FBXW2: variants seen among roughly 807,000 people sequenced by gnomAD.
FBXW2 encodes F-box and WD repeat domain containing 2.
Under a neutral mutation model 46.0 loss-of-function variants are expected in FBXW2, and 12 were observed. That is an observed-to-expected ratio of 0.26 (90% CI 0.17 to 0.42). The LOEUF is 0.42. Ranked by LOEUF, FBXW2 falls within the 10% of genes least tolerant of loss-of-function variation. The pLI is 1.00. For synonymous variants in FBXW2, 203 were observed against 209.6 expected, an observed-to-expected ratio of 0.97 and a Z score of 0.27; for missense variants, 360 against 537.0, an observed-to-expected ratio of 0.67 and a Z score of 3.26.
At chr9:120,774,474 G>A (rs1016550685) in intron 5 of FBXW2, among the ~76,000 whole-genome samples, 4 of 151,936 alleles carry the variant, frequency 2.6e-5, no homozygotes, top group Middle Eastern at 3.4e-3. Context: ...ATCATGACAC[G>A]GCATTCCAGC....
chr9:120,770,543 G>C (rs1396800638), intron 7 of FBXW2, among the ~76,000 whole-genome samples: 6 of 152,084 alleles, frequency 3.9e-5, no homozygotes, highest in Non-Finnish European at 7.3e-5. Flanking sequence ...CTTTACATGG[G>C]TCCTCTCAGA....
rs553935141 is a variant in FBXW2, at chr9:120,764,988, T to C, written c.1077-141A>G. The C allele has an allele frequency of 5.7e-6, 4 of 701,362 alleles. No individual in the cohort carries two copies. In the East Asian group the frequency reaches 1.1e-4, roughly 20 times the overall value. 43.4% of individuals were successfully genotyped at this position (701,362 alleles called of 1,614,324 possible). ...TAAATGTTTTTGATAAAAAGTAAAATATAAGGAGAAAAGCTCAGCCCACTT... is the reference window on the plus strand; with the variant it reads ...TAAATGTTTTTGATAAAAAGTAAAACATAAGGAGAAAAGCTCAGCCCACTT... On this transcript the variant is annotated intron_variant, in intron 7 of 7. Coordinates refer to ENST00000608872, the MANE Select transcript of FBXW2 (RefSeq NM_012164.4).
At position 120,778,396 on chromosome 9, in the gene FBXW2, T is replaced by G; in HGVS notation, c.640A>C (p.Ser214Arg). 1 of 1,537,882 alleles carries G rather than the reference T, an allele frequency of 6.5e-7. No individual in the cohort carries two copies. Among genetic ancestry groups the G allele is most frequent in the Non-Finnish European group, 8.8e-7 (1 of 1,132,342 alleles). ...FDNTVACWEWSSGARTQHFRG... is the reference protein window; with the variant it reads ...FDNTVACWEWRSGARTQHFRG... Reference sequence around the variant, plus strand: ...AAGTGCTGGGTCCTGGCTCCGGAACTCCATTCCCAGCAAGCCACAGTGTTG... The same window carrying G: ...AAGTGCTGGGTCCTGGCTCCGGAACGCCATTCCCAGCAAGCCACAGTGTTG... Residue 214 changes from serine to arginine, a missense_variant, in exon 4 of 8, where the codon AGT becomes CGT. Transcript: ENST00000608872.
chr9:120,771,768 C>A (rs149200611), intron 6 of FBXW2, among the ~76,000 whole-genome samples: 22 of 152,178 alleles, frequency 1.4e-4, no homozygotes, highest in Admixed American at 7.2e-4. Context: ...TATAAAAGAT[C>A]CAATAATGGG....
intron 3 of FBXW2, among the ~76,000 whole-genome samples, chr9:120,780,755 A>G (rs2044594206): frequency 6.6e-6 from 1 of 152,212 alleles, no homozygotes; most frequent in South Asian, 2.1e-4. Context: ...TGTGTCAGGC[A>G]GGATTCTTGT....
chr9:120,793,361 T>A lies in FBXW2; in HGVS notation c.-137A>T, dbSNP rs945342106. On this transcript the variant is annotated 5_prime_UTR_variant, in exon 1 of 8. Transcript: ENST00000608872. ...CCCGCCTCGCATACAGACCCGGACC[T>A]GCGGCCGCTGCTCCCGGTCCGCAGC... is the stretch of plus-strand genomic sequence containing the variant. 5.0e-6 allele frequency: 2 copies of A among 401,844 alleles called. No homozygotes were observed. Among genetic ancestry groups the A allele is most frequent in the African/African-American group, 4.1e-5 (2 of 48,628 alleles). The allele number at this position is 401,844 out of a possible 1,614,324, so 24.9% of individuals were successfully genotyped here.
At position 120,763,172 on chromosome 9, in the gene FBXW2, G is replaced by A. The variant is rs2131268276; in HGVS notation, c.*1387C>T. The A allele has an allele frequency of 6.6e-6, 1 of 152,288 alleles. No homozygotes were observed. The highest frequency in any genetic ancestry group is 2.1e-4 in the South Asian group (1 of 4,828). The allele number at this position is 152,288 out of a possible 1,614,324, so 9.4% of individuals were successfully genotyped here. On this transcript the variant is annotated 3_prime_UTR_variant, in exon 8 of 8. Coordinates refer to ENST00000608872, the MANE Select transcript of FBXW2 (RefSeq NM_012164.4). Reference sequence around the variant, plus strand: ...CAATGTGAAGACCTGCCAACCCTGGGCTTGCTTCTCCTAATGACAAAACAG... The same window carrying A: ...CAATGTGAAGACCTGCCAACCCTGGACTTGCTTCTCCTAATGACAAAACAG...
intron 6 of FBXW2, 100 bp downstream of exon 6, chr9:120,772,654 T>A (rs746349511): frequency 1.4e-6 from 1 of 724,824 alleles, no homozygotes; most frequent in African/African-American, 1.9e-5. Flanking sequence ...ACACTCCCCC[T>A]CCTCTTCCTA....
rs2044541431 is a variant in FBXW2 at position 120,778,275 on chromosome 9, A to G, written c.685+76T>C. The G allele has an allele frequency of 1.6e-5, 21 of 1,273,090 alleles. No homozygotes were observed. In the South Asian group the frequency reaches 3.2e-4, roughly 19 times the overall value. 78.9% of individuals were successfully genotyped at this position (1,273,090 alleles called of 1,614,324 possible). On this transcript the variant is annotated intron_variant, in intron 4 of 7. Transcript: ENST00000608872. Reference sequence around the variant, plus strand: ...AAGCAGGTTAAATTAAAAAAAAAAAAGCATTTCACATTCTTGGCTCCTGGC... The same window carrying G: ...AAGCAGGTTAAATTAAAAAAAAAAAGGCATTTCACATTCTTGGCTCCTGGC...
chr9:120,792,098 T>C (rs1328048882), intron 2 of FBXW2, among the ~76,000 whole-genome samples: 1 of 152,164 alleles, frequency 6.6e-6, no homozygotes, highest in Non-Finnish European at 1.5e-5. Flanking sequence ...TTAACTAACA[T>C]TAATGAGGAA....
chr9:120,787,181 G>A (rs917938918), intron 3 of FBXW2, among the ~76,000 whole-genome samples: 3 of 152,156 alleles, frequency 2.0e-5, no homozygotes, highest in South Asian at 2.1e-4. Context: ...GGCGCATGCC[G>A]CCACGCCCGG....
intron 3 of FBXW2, among the ~76,000 whole-genome samples, chr9:120,786,244 C>T (rs777914992): frequency 2.0e-5 from 3 of 152,100 alleles, no homozygotes; most frequent in Non-Finnish European, 4.4e-5. Context: ...GAGGGACAGA[C>T]TTGGTGGGAG....
intron 5 of FBXW2, 22 bp from the exon 6 acceptor site, chr9:120,772,862 CGGAAA>C: frequency 6.5e-7 from 1 of 1,532,564 alleles, no homozygotes; most frequent in Non-Finnish European, 9.0e-7. Flanking sequence ...AACCATGTTA[CGGAAA>C]GATCCTTTTA....
intron 3 of FBXW2, among the ~76,000 whole-genome samples, chr9:120,786,021 A>C (rs1361931411): frequency 8.6e-6 from 1 of 116,336 alleles, no homozygotes; most frequent in Non-Finnish European, 2.0e-5. Context: ...TCCATCTCAA[A>C]AAAAAAAAAA....
intron 4 of FBXW2, among the ~76,000 whole-genome samples, chr9:120,778,089 G>C (rs1362222865): frequency 6.6e-6 from 1 of 152,020 alleles, no homozygotes; most frequent in Admixed American, 6.6e-5. Context: ...GAGAATGAGA[G>C]AGAGAGAGAG....
chr9:120,788,775 G>A (rs2044773344), intron 2 of FBXW2, among the ~76,000 whole-genome samples: 1 of 152,170 alleles, frequency 6.6e-6, no homozygotes, highest in African/African-American at 2.4e-5. Flanking sequence ...GACACTGATT[G>A]TCATGGCAGG....
chr9:120,772,743 A>C lies in FBXW2; in HGVS notation c.906+11T>G. On this transcript the variant is annotated intron_variant, in intron 6 of 7. Transcript: ENST00000608872. Reference sequence around the variant, plus strand: ...CTTTAATGAAGCAAATTAATGGAGAAAAAAACTCACCTTAATCTCATATTT... The same window carrying C: ...CTTTAATGAAGCAAATTAATGGAGACAAAAACTCACCTTAATCTCATATTT... The C allele has an allele frequency of 6.5e-7, 1 of 1,535,676 alleles. No individual in the cohort carries two copies. The highest frequency in any genetic ancestry group is 8.7e-7 in the Non-Finnish European group (1 of 1,144,880).
chr9:120,782,458 C>CT (rs2131352375), intron 3 of FBXW2, among the ~76,000 whole-genome samples: 1 of 149,816 alleles, frequency 6.7e-6, no homozygotes, highest in South Asian at 2.1e-4. Context: ...AATTGAGACT[C>CT]TGTCTCAAAA....
chr9:120,764,672 C>T lies in FBXW2; in HGVS notation c.1252G>A (p.Gly418Ser). ...AGTCCATTCAGCCAGGATGCTTCGC[C>T]TGCCAGGAAGCTTGAGCCTCTCTTT... ...KSKRGSSFLA[G>S]EASWLNGLDG... Residue 418 changes from glycine to serine, a missense_variant, in exon 8 of 8, where the codon GGC (glycine) becomes AGC (serine). Physicochemically the swap from Gly to Ser is moderately conservative, Grantham distance 56 (BLOSUM62 0). Coordinates refer to ENST00000608872, the MANE Select transcript of FBXW2 (RefSeq NM_012164.4). The T allele has an allele frequency of 6.2e-7, 1 of 1,614,226 alleles. No homozygotes were observed. The highest frequency in any genetic ancestry group is 2.2e-5 in the East Asian group (1 of 44,882).
Sources: gnomAD v4.1 joint callset for allele counts (sites outside exome capture counted in the v4.1 genomes callset) on GRCh38, gnomAD v4.1.1 for gene constraint, MANE v1.5 for transcripts, NCBI Gene and HGNC (gene_info 2026-07-23, HGNC 2026-07-21) for gene names.